TPST1: variants seen among roughly 807,000 people sequenced by gnomAD.
The protein encoded by TPST1 is tyrosylprotein sulfotransferase 1.
In TPST1, 20 loss-of-function variants were observed where a neutral mutation model predicts 34.8. The observed-to-expected ratio is 0.57, with a 90% confidence interval of 0.40 to 0.84. The LOEUF is 0.84. Ranked by LOEUF, TPST1 falls within the 40% of genes least tolerant of loss-of-function variation. The pLI is 0.00. For missense variants in TPST1, 353 were observed against 455.5 expected (o/e 0.78, Z 2.05); for synonymous variants, 152 against 159.4 (o/e 0.95, Z 0.35).
chr7:66,307,794 C>A (rs1791453633), intron 3 of TPST1, among the ~76,000 whole-genome samples: 1 of 152,198 alleles, frequency 6.6e-6, no homozygotes, highest in African/African-American at 2.4e-5. Context: ...AGGATATGAA[C>A]TTTGTTCATT....
chr7:66,269,466 A>T lies in TPST1; in HGVS notation c.846-17045A>T, dbSNP rs541852642. Reference sequence around the variant, plus strand: ...ACTACTAGAAAAATCTGTCAACAGAATGTACTACATCAATAAATTAAAGGA... The same window carrying T: ...ACTACTAGAAAAATCTGTCAACAGATTGTACTACATCAATAAATTAAAGGA... On this transcript the variant is annotated intron_variant, in intron 2 of 5. Transcript: ENST00000304842. Among the ~76,000 whole-genome samples the T allele has an allele frequency of 2.0e-4, 30 of 152,368 alleles. No homozygotes were observed. In the East Asian group the frequency reaches 5.8e-3, roughly 29 times the overall value.
intron 2 of TPST1, 108 bp downstream of exon 2, chr7:66,241,378 A>G (rs1397384369): frequency 3.7e-6 from 5 of 1,348,646 alleles, no homozygotes; most frequent in Admixed American, 3.0e-5. Context: ...TCCTGTGTGT[A>G]TATATAGAAA....
At chr7:66,299,388 T>C (rs1316365043) in intron 3 of TPST1, among the ~76,000 whole-genome samples, 1 of 151,284 alleles carries the variant, frequency 6.6e-6, no homozygotes, top group Non-Finnish European at 1.5e-5. Context: ...AGGCTATTGG[T>C]CGTTTTGTAT....
intron 3 of TPST1, among the ~76,000 whole-genome samples, chr7:66,340,374 C>T (rs1432527004): frequency 6.6e-6 from 1 of 152,044 alleles, no homozygotes; most frequent in Admixed American, 6.5e-5. Flanking sequence ...CAACTTAGTA[C>T]TTGAGGTCCT....
chr7:66,250,891 T>TG (rs1790248112), intron 2 of TPST1, among the ~76,000 whole-genome samples: 1 of 152,138 alleles, frequency 6.6e-6, no homozygotes, highest in Admixed American at 6.5e-5. Context: ...TGACTAATGG[T>TG]GGGTAGTGAG....
intron 2 of TPST1, among the ~76,000 whole-genome samples, chr7:66,242,195 T>C (rs1270996710): frequency 6.6e-6 from 1 of 152,166 alleles, no homozygotes; most frequent in Non-Finnish European, 1.5e-5. Context: ...AAGAGTTGGC[T>C]ATAACTAAAT....
chr7:66,248,503 G>GC (rs1790196778), intron 2 of TPST1, among the ~76,000 whole-genome samples: 1 of 124,286 alleles, frequency 8.0e-6, no homozygotes, highest in Non-Finnish European at 1.6e-5. Flanking sequence ...AACATTTAGT[G>GC]TTTTTTTTTT....
chr7:66,201,780 G>A (rs146069136), upstream of TPST1, among the ~76,000 whole-genome samples: 2 of 151,438 alleles, frequency 1.3e-5, no homozygotes, highest in African/African-American at 2.4e-5. Flanking sequence ...TTGAGCCCAG[G>A]CGTTTGAGGC....
chr7:66,331,664 G>C (rs1004032795), intron 3 of TPST1, among the ~76,000 whole-genome samples: 18 of 152,184 alleles, frequency 1.2e-4, no homozygotes, highest in African/African-American at 4.3e-4. Flanking sequence ...TTCTCCTTAT[G>C]TAGGGTATAG....
At chr7:66,221,026 G>T (rs560987028) in intron 1 of TPST1, among the ~76,000 whole-genome samples, 1 of 151,936 alleles carries the variant, frequency 6.6e-6, no homozygotes, top group Admixed American at 6.6e-5. Flanking sequence ...CCAGCTACTC[G>T]GGAGGCTGAG....
At chr7:66,357,847 A>T (rs1192239945) in intron 5 of TPST1, among the ~76,000 whole-genome samples, 3 of 152,190 alleles carry the variant, frequency 2.0e-5, no homozygotes, top group Non-Finnish European at 4.4e-5. Context: ...GCACTTTGGG[A>T]GGCCAAGGTG....
intron 1 of TPST1, among the ~76,000 whole-genome samples, chr7:66,217,783 A>C (rs891731181): frequency 6.6e-6 from 1 of 151,492 alleles, no homozygotes; most frequent in African/African-American, 2.4e-5. Context: ...GTGGGGTTTC[A>C]CCATGTTGAC....
At chr7:66,274,884 C>T (rs1790774809) in intron 2 of TPST1, among the ~76,000 whole-genome samples, 1 of 152,038 alleles carries the variant, frequency 6.6e-6, no homozygotes, top group African/African-American at 2.4e-5. Context: ...TACCTCATAC[C>T]TGTTAGAATG....
intron 2 of TPST1, among the ~76,000 whole-genome samples, chr7:66,262,636 C>T (rs1311037524): frequency 6.6e-6 from 1 of 152,156 alleles, no homozygotes; most frequent in Non-Finnish European, 1.5e-5. Flanking sequence ...GTCACTGCTG[C>T]TTCCTTCCCA....
At chr7:66,357,130 G>A (rs1247538470) in intron 5 of TPST1, among the ~76,000 whole-genome samples, 1 of 152,226 alleles carries the variant, frequency 6.6e-6, no homozygotes, top group Non-Finnish European at 1.5e-5. Flanking sequence ...CTCATAATAA[G>A]CGCACAATAG....
intron 3 of TPST1, among the ~76,000 whole-genome samples, chr7:66,317,719 A>G (rs1791663646): frequency 6.6e-6 from 1 of 151,784 alleles, no homozygotes; most frequent in Non-Finnish European, 1.5e-5. Context: ...CCTTTTTTAA[A>G]ACTATATTTT....
At chr7:66,296,247 T>TTTCCCCCCCCCCC (rs1554349789) in intron 3 of TPST1, among the ~76,000 whole-genome samples, 1 of 40,066 alleles carries the variant, frequency 2.5e-5, no homozygotes, top group Non-Finnish European at 4.7e-5. Context: ...CACCCACCCT[T>TTTCCCCCCCCCCC]CCCCCCCCCC....
intron 2 of TPST1, among the ~76,000 whole-genome samples, chr7:66,244,482 C>T (rs546765944): frequency 9.9e-5 from 15 of 152,262 alleles, no homozygotes; most frequent in Non-Finnish European, 1.8e-4. Flanking sequence ...CAGTTATTTA[C>T]AGTCAGGGTG....
At chr7:66,234,359 T>C (rs1789862105) in intron 1 of TPST1, among the ~76,000 whole-genome samples, 1 of 147,932 alleles carries the variant, frequency 6.8e-6, no homozygotes, top group African/African-American at 2.5e-5. Context: ...AAAAGCAACA[T>C]ACAAGTTCTT....
Sources: allele counts gnomAD v4.1 joint callset (sites outside exome capture counted in the v4.1 genomes callset), GRCh38; gene constraint gnomAD v4.1.1; transcripts MANE v1.5; gene names NCBI Gene and HGNC (gene_info 2026-07-23, HGNC 2026-07-21).